POU6F2: variants seen among roughly 807,000 people sequenced by gnomAD.
The protein encoded by POU6F2 is POU domain, class 6, transcription factor 2.
In POU6F2, 31 loss-of-function variants were observed where a neutral mutation model predicts 71.3. That is an observed-to-expected ratio of 0.43 (90% CI 0.33 to 0.59). The LOEUF is 0.59. POU6F2 is among the 20% of genes least tolerant of loss of function. The pLI, the probability that POU6F2 is intolerant of heterozygous loss-of-function variation, is 0.04. For missense variants in POU6F2, 783 were observed against 856.8 expected (o/e 0.91, Z 1.07); for synonymous variants, 347 against 355.7 (o/e 0.98, Z 0.27).
At chr7:39,151,366 C>T (rs1000444209) in intron 2 of POU6F2, among the ~76,000 whole-genome samples, 4 of 152,178 alleles carry the variant, frequency 2.6e-5, no homozygotes, top group African/African-American at 9.7e-5. Flanking sequence ...ATCAATAAAT[C>T]ATTCTGATCA....
At chr7:39,200,236 TC>T (rs1793870414) in intron 2 of POU6F2, among the ~76,000 whole-genome samples, 1 of 152,164 alleles carries the variant, frequency 6.6e-6, no homozygotes, top group Non-Finnish European at 1.5e-5. Context: ...CACTGCTGGC[TC>T]CCTGTGGTCT....
At chr7:39,006,009 T>C (rs1789054132) in intron 1 of POU6F2, among the ~76,000 whole-genome samples, 1 of 152,182 alleles carries the variant, frequency 6.6e-6, no homozygotes, top group Admixed American at 6.5e-5. Context: ...TGAAAAGTAA[T>C]CTCTCTAAAG....
chr7:39,432,810 A>G (rs909857395), intron 6 of POU6F2, among the ~76,000 whole-genome samples: 2 of 152,104 alleles, frequency 1.3e-5, no homozygotes, highest in Admixed American at 6.5e-5. Flanking sequence ...CAAAAACCGC[A>G]TGTTTATACC....
At chr7:39,208,937 G>A (rs1048533829) in intron 4 of POU6F2, among the ~76,000 whole-genome samples, 8 of 152,012 alleles carry the variant, frequency 5.3e-5, no homozygotes, top group East Asian at 3.9e-4. Context: ...GCAGCCTTCC[G>A]TTTGGAACAT....
At chr7:39,095,089 T>C (rs1294865235) in intron 2 of POU6F2, among the ~76,000 whole-genome samples, 1 of 152,184 alleles carries the variant, frequency 6.6e-6, no homozygotes, top group Non-Finnish European at 1.5e-5. Flanking sequence ...TTCTATAATC[T>C]ATGAATGGGT....
chr7:39,458,186 G>A (rs1583620302), intron 8 of POU6F2, among the ~76,000 whole-genome samples: 1 of 152,050 alleles, frequency 6.6e-6, no homozygotes, highest in Non-Finnish European at 1.5e-5. Flanking sequence ...GTCACAAAAC[G>A]GGCTGAGCAG....
rs374338143 is a variant in POU6F2 at position 39,399,496 on chromosome 7, G to A, written c.973-7104G>A. Among the ~76,000 whole-genome samples, 19 of 152,260 alleles carry A rather than the reference G, an allele frequency of 1.2e-4. No homozygotes were observed. In the East Asian group the frequency reaches 3.3e-3, roughly 26 times the overall value. On this transcript the variant is annotated intron_variant, in intron 5 of 9. Coordinates refer to ENST00000518318, the MANE Select transcript of POU6F2 (RefSeq NM_001370959.1). Reference sequence around the variant, plus strand: ...TTGCTGTAATGGGTCACAGAATAGAGGGAAACATGATTATCAGTTTATTAT... The same window carrying A: ...TTGCTGTAATGGGTCACAGAATAGAAGGAAACATGATTATCAGTTTATTAT...
At chr7:39,172,923 T>TC in intron 2 of POU6F2, among the ~76,000 whole-genome samples, 1 of 142,860 alleles carries the variant, frequency 7.0e-6, no homozygotes, top group East Asian at 2.7e-4. Flanking sequence ...GTGCCTGGCC[T>TC]CCAGGTCCCT....
intron 4 of POU6F2, among the ~76,000 whole-genome samples, chr7:39,322,379 A>C (rs1440855364): frequency 6.6e-6 from 1 of 152,196 alleles, no homozygotes; most frequent in Admixed American, 6.5e-5. Context: ...TAAAAACCTG[A>C]CCTTCAACTC....
At chr7:39,246,905 C>CTTTTTTTTGTTTTTTTTTTT (rs1783830278) in intron 4 of POU6F2, among the ~76,000 whole-genome samples, 1 of 78,150 alleles carries the variant, frequency 1.3e-5, no homozygotes, top group South Asian at 5.6e-4. Context: ...TCCAGGGTGG[C>CTTTTTTTTGTTTTTTTTTTT]TTTTTTTTTT....
At chr7:39,147,161 A>G (rs971132989) in intron 2 of POU6F2, among the ~76,000 whole-genome samples, 2 of 152,182 alleles carry the variant, frequency 1.3e-5, no homozygotes, top group Middle Eastern at 3.2e-3. Context: ...TAAATGTTCT[A>G]CAATAACAAT....
At chr7:39,190,415 C>CG (rs1793638150) in intron 2 of POU6F2, among the ~76,000 whole-genome samples, 1 of 32,994 alleles carries the variant, frequency 3.0e-5, no homozygotes, top group Admixed American at 5.3e-4. Flanking sequence ...TCCTCCTTTT[C>CG]TTAAAAAAAA....
intron 4 of POU6F2, among the ~76,000 whole-genome samples, chr7:39,299,463 C>T (rs370497755): frequency 3.9e-5 from 6 of 151,992 alleles, no homozygotes; most frequent in South Asian, 2.1e-4. Flanking sequence ...TTGATACTTC[C>T]GAAAGACACT....
intron 4 of POU6F2, among the ~76,000 whole-genome samples, chr7:39,208,413 T>A (rs1300814485): frequency 6.6e-6 from 1 of 152,216 alleles, no homozygotes; most frequent in East Asian, 1.9e-4. Flanking sequence ...ATGTTTGTTT[T>A]CTTCATATAT....
intron 4 of POU6F2, among the ~76,000 whole-genome samples, chr7:39,332,629 T>G (rs1221133296): frequency 1.3e-5 from 2 of 152,254 alleles, no homozygotes; most frequent in Non-Finnish European, 2.9e-5. Context: ...CCTCTGATTT[T>G]AGCTATATAG....
chr7:39,211,795 A>T (rs953452241), intron 4 of POU6F2, among the ~76,000 whole-genome samples: 14 of 152,134 alleles, frequency 9.2e-5, no homozygotes, highest in African/African-American at 2.9e-4. Flanking sequence ...GGAGGCAGGC[A>T]TCTAATCCCC....
chr7:39,028,602 T>C (rs1207167324), intron 1 of POU6F2, among the ~76,000 whole-genome samples: 1 of 152,102 alleles, frequency 6.6e-6, no homozygotes, highest in East Asian at 1.9e-4. Context: ...GATGTACCTT[T>C]ATATCTTTTT....
At chr7:39,104,584 C>T (rs532886817) in intron 2 of POU6F2, among the ~76,000 whole-genome samples, 1 of 152,160 alleles carries the variant, frequency 6.6e-6, no homozygotes, top group Non-Finnish European at 1.5e-5. Context: ...TACATTGACT[C>T]TGGCTTTCAT....
chr7:39,243,232 C>T (rs893666317), intron 4 of POU6F2, among the ~76,000 whole-genome samples: 3 of 152,116 alleles, frequency 2.0e-5, no homozygotes, highest in Non-Finnish European at 4.4e-5. Context: ...TGGTGGCCCC[C>T]AAAAGTAGCA....
Sources: gnomAD v4.1 joint callset for allele counts (sites outside exome capture counted in the v4.1 genomes callset) on GRCh38, gnomAD v4.1.1 for gene constraint, MANE v1.5 for transcripts, NCBI Gene and HGNC (gene_info 2026-07-23, HGNC 2026-07-21) for gene names.